Variants in VPS45 observed in about 807,000 individuals in gnomAD.
The protein encoded by VPS45 is vacuolar protein sorting 45 homolog.
A neutral mutation model predicts 75.9 loss-of-function variants in VPS45; 35 were observed. That is an observed-to-expected ratio of 0.46 (90% CI 0.35 to 0.61). The LOEUF (loss-of-function observed/expected upper bound fraction) is 0.61, where lower values mean the gene tolerates loss of function less well. VPS45 is among the 20% of genes least tolerant of loss of function. The probability of loss-of-function intolerance (pLI) is 0.00; values close to 1 mark genes in which losing one functional copy is unlikely to be tolerated. For missense variants in VPS45, 559 were observed against 685.9 expected (o/e 0.81, Z 2.07); for synonymous variants, 220 against 238.2 (o/e 0.92, Z 0.70).
intron 13 of VPS45, among the ~76,000 whole-genome samples, chr1:150,108,511 AG>A (rs1657455352): frequency 6.6e-6 from 1 of 152,194 alleles, no homozygotes; most frequent in African/African-American, 2.4e-5. Context: ...TTAAGAAGAA[AG>A]GAGGATCAAT....
intron 13 of VPS45, chr1:150,098,859 T>C: frequency 7.8e-7 from 1 of 1,278,502 alleles, no homozygotes. Flanking sequence ...GAATTGCCTC[T>C]TGTCTCTGAT....
Position 150,076,958 on chromosome 1 carries a change from T to C in VPS45, c.412T>C (p.Ser138Pro), listed in dbSNP as rs1553798223. 6.2e-7 allele frequency: 1 copy of C among 1,614,180 alleles called. No individual in the cohort carries two copies. Among genetic ancestry groups the C allele is most frequent in the Non-Finnish European group, 8.5e-7 (1 of 1,180,024 alleles). Reference protein sequence around the residue: ...DYIAVNPHLFSLNILGCCQGR... With the variant: ...DYIAVNPHLFPLNILGCCQGR... ...CATTGCTGTGAACCCACATTTGTTTTCCCTCAATATTTTGGGTTGCTGCCA... is the reference window on the plus strand; with the variant it reads ...CATTGCTGTGAACCCACATTTGTTTCCCCTCAATATTTTGGGTTGCTGCCA... Residue 138 changes from serine to proline, a missense_variant, in exon 5 of 15, where the codon TCC (serine) becomes CCC (proline). Ser to Pro is a moderately conservative substitution (Grantham distance 74). Coordinates refer to ENST00000644510, the MANE Select transcript of VPS45 (RefSeq NM_007259.5).
intron 13 of VPS45, chr1:150,109,535 A>G (rs914814905): frequency 2.0e-5 from 3 of 152,190 alleles, no homozygotes; most frequent in African/African-American, 4.8e-5. Flanking sequence ...ATACATAAGC[A>G]TGTATATTCC....
chr1:150,110,362 CT>C, intron 13 of VPS45, 133 bp from the exon 14 acceptor site: 1 of 877,252 alleles, frequency 1.1e-6, no homozygotes, highest in Non-Finnish European at 1.6e-6. Flanking sequence ...TTTTTTAAAC[CT>C]TTTATTCTAT....
chr1:150,082,150 T>A (rs928583346), intron 9 of VPS45, among the ~76,000 whole-genome samples, 153 bp downstream of exon 9: 2 of 152,190 alleles, frequency 1.3e-5, no homozygotes, highest in Non-Finnish European at 2.9e-5. Context: ...AACAATATAG[T>A]GAAAACTTTA....
In VPS45 at chr1:150,092,361, C is replaced by A. The variant is rs782789689; in HGVS notation, c.1323C>A (p.Ser441Arg). The A allele has an allele frequency of 6.2e-7, 1 of 1,614,106 alleles. No individual in the cohort carries two copies. Among genetic ancestry groups the A allele is most frequent in the South Asian group, 1.1e-5 (1 of 91,086 alleles). ...GKRVRGSDLF[S>R]PKDAVAITKQ... Reference sequence around the variant, plus strand: ...GAGTCAGAGGAAGTGACCTCTTCAGCCCCAAAGATGCTGTGGCTATCACCA... The same window carrying A: ...GAGTCAGAGGAAGTGACCTCTTCAGACCCAAAGATGCTGTGGCTATCACCA... The change falls in exon 12 of 15, where the codon AGC becomes AGA. Residue 441 changes from serine to arginine, a missense_variant. Physicochemically the swap from Ser to Arg is moderately radical, Grantham distance 110 (BLOSUM62 -1). Coordinates refer to ENST00000644510, the MANE Select transcript of VPS45 (RefSeq NM_007259.5).
At chr1:150,082,647 C>G (rs587618616) in intron 9 of VPS45, 69 bp from the exon 10 acceptor site, 6 of 1,535,778 alleles carry the variant, frequency 3.9e-6, no homozygotes, top group East Asian at 2.3e-5. Flanking sequence ...TCCCCAACCC[C>G]CATTCAGTAC....
Position 150,077,114 on chromosome 1 carries a change from C to G in VPS45, c.459C>G (p.Ala153=). ...GCCQGRNWDP[A]QLSRTTQGLT... Reference sequence around the variant, plus strand: ...AAAAGGGTCGAAATTGGGATCCAGCCCAGCTATCTAGAACAACTCAAGGGC... The same window carrying G: ...AAAAGGGTCGAAATTGGGATCCAGCGCAGCTATCTAGAACAACTCAAGGGC... Residue 153 remains alanine, a synonymous_variant, in exon 6 of 15, where the codon GCC becomes GCG. Coordinates refer to ENST00000644510, the MANE Select transcript of VPS45 (RefSeq NM_007259.5). 6.2e-7 allele frequency: 1 copy of G among 1,613,930 alleles called. No homozygotes were observed. The highest frequency in any genetic ancestry group is 8.5e-7 in the Non-Finnish European group (1 of 1,179,988).
intron 14 of VPS45, among the ~76,000 whole-genome samples, chr1:150,130,409 C>G (rs782637789): frequency 2.0e-5 from 3 of 151,400 alleles, no homozygotes; most frequent in Non-Finnish European, 4.4e-5. Context: ...CTAGGCTGGT[C>G]TCAGACTCCT....
chr1:150,095,959 A>G (rs117947455), intron 13 of VPS45, among the ~76,000 whole-genome samples: 1 of 152,338 alleles, frequency 6.6e-6, no homozygotes, highest in East Asian at 1.9e-4. Context: ...CAGAGAGACT[A>G]CTGAGGAGAT....
rs146609281 is a variant in VPS45 at position 150,107,310 on chromosome 1, A to G, written c.1494-3186A>G. 2.5e-3 allele frequency among the ~76,000 whole-genome samples: 382 copies of G among 152,290 alleles called. 2 individuals are homozygous for G. Among genetic ancestry groups the G allele is most frequent in the African/African-American group, 8.6e-3 (356 of 41,560 alleles). Reference sequence around the variant, plus strand: ...CATGTTTTTGTCTTATGCACAGTAAATGTCCTTTTTCTCAAACCTAAACCA... The same window carrying G: ...CATGTTTTTGTCTTATGCACAGTAAGTGTCCTTTTTCTCAAACCTAAACCA... On this transcript the variant is annotated intron_variant, in intron 13 of 14. Transcript: ENST00000644510.
chr1:150,107,181 C>G (rs1490103413), intron 13 of VPS45, among the ~76,000 whole-genome samples: 5 of 152,132 alleles, frequency 3.3e-5, no homozygotes, highest in Non-Finnish European at 7.3e-5. Context: ...TCATCTATTC[C>G]CATGGCTTCA....
At chr1:150,111,409 A>G (rs1378818070) in intron 14 of VPS45, among the ~76,000 whole-genome samples, 6 of 152,194 alleles carry the variant, frequency 3.9e-5, no homozygotes, top group Non-Finnish European at 5.9e-5. Context: ...AAGTGAAAGG[A>G]TGATTGAATG....
At chr1:150,074,789 T>G (rs1416886237) in intron 3 of VPS45, among the ~76,000 whole-genome samples, 2 of 152,150 alleles carry the variant, frequency 1.3e-5, no homozygotes, top group African/African-American at 4.8e-5. Flanking sequence ...TTAGCTATAC[T>G]GTCACCTACT....
intron 14 of VPS45, among the ~76,000 whole-genome samples, chr1:150,123,570 C>T (rs1448294832): frequency 6.6e-6 from 1 of 152,182 alleles, no homozygotes; most frequent in African/African-American, 2.4e-5. Flanking sequence ...CATGATCCTA[C>T]CTTGCAAATA....
At position 150,068,705 on chromosome 1, in the gene VPS45, T is replaced by C; in HGVS notation, c.169T>C (p.Ser57Pro). 6.2e-7 allele frequency: 1 copy of C among 1,613,456 alleles called. No individual in the cohort carries two copies. The highest frequency in any genetic ancestry group is 8.5e-7 in the Non-Finnish European group (1 of 1,179,672). ...KEVYLFERID[S>P]QNREIMKHLK... ...AGTGTACCTCTTTGAACGCATTGAT[T>C]CTCAAAATCGAGAGATCATGAAACA... The change falls in exon 2 of 15, where the codon TCT (serine) becomes CCT (proline). Residue 57 changes from serine (S) to proline (P), a missense_variant. By Grantham distance (74) the Ser-to-Pro change is moderately conservative. Coordinates refer to ENST00000644510, the MANE Select transcript of VPS45 (RefSeq NM_007259.5).
At chr1:150,106,911 A>G (rs1242503229) in intron 13 of VPS45, among the ~76,000 whole-genome samples, 1 of 152,200 alleles carries the variant, frequency 6.6e-6, no homozygotes, top group Non-Finnish European at 1.5e-5. Flanking sequence ...GCAAAATCAC[A>G]GTAGTAAATC....
intron 13 of VPS45, chr1:150,098,763 C>A: frequency 1.3e-6 from 1 of 778,988 alleles, no homozygotes. Flanking sequence ...GGCAGTATAG[C>A]TATATCCACA....
Position 150,076,282 on chromosome 1 carries a change from T to A in VPS45, c.339T>A (p.Ala113=). The change falls in exon 4 of 15, where the codon GCT becomes GCA. Residue 113 remains alanine, a synonymous_variant. Coordinates refer to ENST00000644510, the MANE Select transcript of VPS45 (RefSeq NM_007259.5). ...GTGACGTGAAGTCATTGGCTGAAGC[T>A]GATGAACAGGAAGTTGTGGCTGAGG... ...SKSDVKSLAE[A]DEQEVVAEVQ... The A allele has an allele frequency of 6.2e-7, 1 of 1,608,700 alleles. No individual in the cohort carries two copies. Among genetic ancestry groups the A allele is most frequent in the African/African-American group, 1.3e-5 (1 of 74,314 alleles).
Sources: allele counts gnomAD v4.1 joint callset (sites outside exome capture counted in the v4.1 genomes callset), GRCh38; gene constraint gnomAD v4.1.1; transcripts MANE v1.5; gene names NCBI Gene and HGNC (gene_info 2026-07-23, HGNC 2026-07-21).